BCL2L1: variants seen among roughly 807,000 people sequenced by gnomAD.
BCL2L1 encodes the protein bcl-2-like protein 1.
In BCL2L1, 1 loss-of-function variant was observed where a neutral mutation model predicts 18.7. The observed-to-expected ratio is 0.05, with a 90% CI of 0.02 to 0.25. The LOEUF is 0.25. BCL2L1 is among the 10% of genes least tolerant of loss of function. The pLI, the probability that BCL2L1 is intolerant of heterozygous loss-of-function variation, is 1.00. For missense variants in BCL2L1, 207 were observed against 304.9 expected, an observed-to-expected ratio of 0.68 and a Z score of 2.39; for synonymous variants, 103 against 122.7, an observed-to-expected ratio of 0.84 and a Z score of 1.06.
intron 2 of BCL2L1, among the ~76,000 whole-genome samples, chr20:31,694,741 C>T (rs1244059067): frequency 1.3e-5 from 2 of 152,128 alleles, no homozygotes; most frequent in African/African-American, 4.8e-5. Context: ...AGTAGGCTTA[C>T]ATTGAAGGAA....
In BCL2L1 at chr20:31,685,731, CT is replaced by C. The variant is rs1171089452; in HGVS notation, c.565-19646del. ...AGCACTAAGATCCTATCTCCGGGCC[CT>C]TTTTTTTTCCCCTCAAGGGAGCAGT... On this transcript the variant is annotated intron_variant, in intron 2 of 2. Transcript: ENST00000307677. Among the ~76,000 whole-genome samples, 9 of 151,462 alleles carry C rather than the reference CT, an allele frequency of 5.9e-5. 1 individual carries two copies. The highest frequency in any genetic ancestry group is 2.0e-4 in the Admixed American group (3 of 15,152).
chr20:31,677,676 T>C (rs1351685137), intron 2 of BCL2L1, among the ~76,000 whole-genome samples: 1 of 152,216 alleles, frequency 6.6e-6, no homozygotes, highest in Admixed American at 6.5e-5. Flanking sequence ...TTTCTCAGCT[T>C]CACCTAGGGC....
chr20:31,706,067 G>A (rs780727873), intron 2 of BCL2L1, among the ~76,000 whole-genome samples: 1 of 152,180 alleles, frequency 6.6e-6, no homozygotes, highest in Admixed American at 6.5e-5. Context: ...TGGGTGCTGT[G>A]AGCAAGGGGA....
At chr20:31,720,010 C>T (rs2061597115) in intron 2 of BCL2L1, 2 of 837,248 alleles carry the variant, frequency 2.4e-6, no homozygotes, top group South Asian at 1.1e-4. Context: ...GGAGAGGTCA[C>T]TGCACAAACC....
At chr20:31,695,794 C>T (rs1185388318) in intron 2 of BCL2L1, among the ~76,000 whole-genome samples, 1 of 152,142 alleles carries the variant, frequency 6.6e-6, no homozygotes, top group Non-Finnish European at 1.5e-5. Context: ...AACACTATTC[C>T]CCCATATATC....
intron 2 of BCL2L1, among the ~76,000 whole-genome samples, chr20:31,706,576 G>A (rs748350163): frequency 3.9e-5 from 6 of 152,338 alleles, no homozygotes; most frequent in East Asian, 1.9e-4. Context: ...AGAGCACCTC[G>A]TTTAGTCTTT....
intron 2 of BCL2L1, among the ~76,000 whole-genome samples, chr20:31,669,673 C>T (rs2060637689): frequency 6.6e-6 from 1 of 151,880 alleles, no homozygotes; most frequent in African/African-American, 2.4e-5. Flanking sequence ...CTCCTGACCT[C>T]AAGTGATCTG....
At chr20:31,702,562 G>A (rs1022055584) in intron 2 of BCL2L1, among the ~76,000 whole-genome samples, 10 of 151,904 alleles carry the variant, frequency 6.6e-5, no homozygotes, top group Non-Finnish European at 1.2e-4. Context: ...TGCCCAGGGT[G>A]GAGTGCAATG....
chr20:31,690,508 T>TC (rs1473885051), intron 2 of BCL2L1, among the ~76,000 whole-genome samples: 1 of 151,960 alleles, frequency 6.6e-6, no homozygotes, highest in East Asian at 1.9e-4. Context: ...TTTCATCTGT[T>TC]CCCCAACCAC....
upstream of BCL2L1, chr20:31,723,293 G>C: frequency 2.0e-6 from 2 of 985,780 alleles, no homozygotes; most frequent in Non-Finnish European, 2.4e-6. Context: ...CGGACACAAT[G>C]GCCGCCGGCG....
At chr20:31,703,167 C>G (rs2061310715) in intron 2 of BCL2L1, among the ~76,000 whole-genome samples, 1 of 151,568 alleles carries the variant, frequency 6.6e-6, no homozygotes, top group Non-Finnish European at 1.5e-5. Flanking sequence ...GCCTCAGCCT[C>G]CCAGGTAGCT....
In BCL2L1 at chr20:31,666,004, G is replaced by A. The variant is rs1447088802; in HGVS notation, c.647C>T (p.Thr216Met). The A allele has an allele frequency of 1.5e-5, 25 of 1,613,996 alleles. No individual in the cohort carries two copies. The highest frequency in any genetic ancestry group is 5.3e-5 in the African/African-American group (4 of 74,904). ...GQERFNRWFL[T>M]GMTVAGVVLL... Reference sequence around the variant, plus strand: ...AACCACGCCGGCCACAGTCATGCCCGTCAGGAACCAGCGGTTGAAGCGTTC... The same window carrying A: ...AACCACGCCGGCCACAGTCATGCCCATCAGGAACCAGCGGTTGAAGCGTTC... Residue 216 changes from threonine to methionine, a missense_variant, in exon 3 of 3, where the codon ACG (threonine) becomes ATG (methionine). Coordinates refer to ENST00000307677, the MANE Select transcript of BCL2L1 (RefSeq NM_138578.3).
At chr20:31,707,741 G>A (rs1301438333) in intron 2 of BCL2L1, among the ~76,000 whole-genome samples, 1 of 146,598 alleles carries the variant, frequency 6.8e-6, no homozygotes. Flanking sequence ...TGGCACCATT[G>A]CACTCCAGCC....
upstream of BCL2L1, chr20:31,723,837 GGCCGGCCTACCTGGCT>G: frequency 1.3e-5 from 13 of 985,482 alleles, no homozygotes; most frequent in Admixed American, 1.8e-4. Flanking sequence ...CGCGGACCCG[GGCCGGCCTACCTGGCT>G]GCCGGCCTAC....
chr20:31,718,328 T>C (rs569083951), intron 2 of BCL2L1, among the ~76,000 whole-genome samples: 1 of 152,304 alleles, frequency 6.6e-6, no homozygotes, highest in East Asian at 1.9e-4. Flanking sequence ...CACTGTCATC[T>C]ATTGGCAGGG....
At position 31,715,677 on chromosome 20, in the gene BCL2L1, G is replaced by C. The variant is rs559057927; in HGVS notation, c.564+5978C>G. Among the ~76,000 whole-genome samples the C allele has an allele frequency of 5.6e-4, 85 of 152,230 alleles. 1 individual carries two copies. Among genetic ancestry groups the C allele is most frequent in the African/African-American group, 2.0e-3 (81 of 41,532 alleles). ...AAAATATACTTCTTTGGCATATTTT[G>C]AACTGGTTATTCTGAGAAACTGCAG... On this transcript the variant is annotated intron_variant, in intron 2 of 2. Transcript: ENST00000307677.
intron 2 of BCL2L1, among the ~76,000 whole-genome samples, chr20:31,678,123 G>T (rs1469258126): frequency 1.3e-5 from 2 of 152,180 alleles, no homozygotes; most frequent in African/African-American, 4.8e-5. Flanking sequence ...GCACTGTGCT[G>T]AGGCAACAGG....
At chr20:31,720,126 A>AC in intron 2 of BCL2L1, 1 of 985,284 alleles carries the variant, frequency 1.0e-6, no homozygotes, top group Non-Finnish European at 1.2e-6. Context: ...ACCTCCCCTG[A>AC]CCCCACCCCA....
intron 2 of BCL2L1, chr20:31,720,032 T>C: frequency 1.1e-6 from 1 of 929,110 alleles, no homozygotes; most frequent in Non-Finnish European, 1.3e-6. Context: ...ACAGGAACTA[T>C]TTAATCATTT....
Sources: gnomAD v4.1 joint callset for allele counts (sites outside exome capture counted in the v4.1 genomes callset) on GRCh38, gnomAD v4.1.1 for gene constraint, MANE v1.5 for transcripts, NCBI Gene and HGNC (gene_info 2026-07-23, HGNC 2026-07-21) for gene names.